CASQ2: variants seen among roughly 807,000 people sequenced by gnomAD.
The protein encoded by CASQ2 is calsequestrin 2.
CASQ2 carries 49 observed loss-of-function variants against 46.5 expected under a neutral mutation model. That is an observed-to-expected ratio of 1.05 (90% confidence interval 0.84 to 1.34). The LOEUF is 1.34. CASQ2 is among the 40% of genes most tolerant of loss of function. The probability of loss-of-function intolerance (pLI) is 0.00; values close to 1 mark genes in which losing one functional copy is unlikely to be tolerated. For missense variants in CASQ2, 486 were observed against 481.3 expected, an observed-to-expected ratio of 1.01 and a Z score of -0.09; for synonymous variants, 174 against 168.5, an observed-to-expected ratio of 1.03 and a Z score of -0.25.
chr1:115,701,059 G>A lies in CASQ2; in HGVS notation c.*182C>T. 2.3e-6 allele frequency: 2 copies of A among 851,698 alleles called. No homozygotes were observed. Among genetic ancestry groups the A allele is most frequent in the Admixed American group, 1.8e-5 (1 of 54,762 alleles). The allele number at this position is 851,698 out of a possible 1,614,324, so 52.8% of individuals were successfully genotyped here. A position where few individuals can be genotyped will look rare whatever the true frequency, so the allele number is the denominator to read the frequency against. ...CCTGTCCCTGCTAAGTGGGATTGCTGCATTTGAAAAGGCATTTGCTGAATG... is the reference window on the plus strand; with the variant it reads ...CCTGTCCCTGCTAAGTGGGATTGCTACATTTGAAAAGGCATTTGCTGAATG... On this transcript the variant is annotated 3_prime_UTR_variant, in exon 11 of 11. Transcript: ENST00000261448.
chr1:115,724,515 C>T (rs1011658807), intron 7 of CASQ2, among the ~76,000 whole-genome samples: 12 of 152,126 alleles, frequency 7.9e-5, no homozygotes, highest in African/African-American at 2.9e-4. Flanking sequence ...ATTGGAAGAT[C>T]CAAATAAAAA....
chr1:115,756,042 C>T (rs1648749169), intron 1 of CASQ2, among the ~76,000 whole-genome samples: 3 of 152,198 alleles, frequency 2.0e-5, no homozygotes, highest in Non-Finnish European at 2.9e-5. Context: ...GTCGGGCTAA[C>T]AGTTAGATAT....
chr1:115,727,169 G>T, intron 5 of CASQ2, 47 bp from the exon 6 acceptor site: 3 of 1,374,596 alleles, frequency 2.2e-6, no homozygotes, highest in Non-Finnish European at 3.1e-6. Flanking sequence ...TACTAGTCTA[G>T]AATAGCAGTG....
intron 4 of CASQ2, among the ~76,000 whole-genome samples, chr1:115,735,203 G>A (rs769236441): frequency 2.0e-5 from 3 of 152,144 alleles, no homozygotes; most frequent in Non-Finnish European, 4.4e-5. Context: ...CCACAAAAAG[G>A]TTGTTATTTT....
intron 2 of CASQ2, among the ~76,000 whole-genome samples, chr1:115,742,813 G>C (rs1057234561): frequency 1.2e-4 from 18 of 151,130 alleles, no homozygotes; most frequent in Non-Finnish European, 2.4e-4. Context: ...TTTTGAGATG[G>C]AGTCTCGCTC....
intron 1 of CASQ2, among the ~76,000 whole-genome samples, chr1:115,758,713 C>T (rs954979502): frequency 6.6e-6 from 1 of 152,182 alleles, no homozygotes; most frequent in Admixed American, 6.5e-5. Context: ...AAGAGCCTTG[C>T]ACCTTTTCTC....
intron 1 of CASQ2, among the ~76,000 whole-genome samples, chr1:115,748,642 C>T (rs764107825): frequency 6.6e-6 from 1 of 152,126 alleles, no homozygotes. Context: ...AGTGCCTAAA[C>T]AGACCAACCT....
chr1:115,721,267 G>T (rs960747707), intron 7 of CASQ2, among the ~76,000 whole-genome samples: 1 of 152,122 alleles, frequency 6.6e-6, no homozygotes, highest in Admixed American at 6.6e-5. Context: ...GGAGGGTGAG[G>T]TCTCCAGGGG....
chr1:115,748,344 C>T (rs1030230458), intron 1 of CASQ2, among the ~76,000 whole-genome samples: 2 of 152,194 alleles, frequency 1.3e-5, no homozygotes, highest in Non-Finnish European at 2.9e-5. Context: ...CCCTCCCAGA[C>T]CTTTTCATCT....
intron 8 of CASQ2, among the ~76,000 whole-genome samples, chr1:115,706,167 T>C (rs1302836747): frequency 6.6e-6 from 1 of 151,770 alleles, no homozygotes; most frequent in Non-Finnish European, 1.5e-5. Context: ...TGTGTATGTG[T>C]GTGCGTGCGT....
intron 5 of CASQ2, among the ~76,000 whole-genome samples, chr1:115,731,943 T>C (rs1206663917): frequency 6.6e-6 from 1 of 152,178 alleles, no homozygotes; most frequent in East Asian, 1.9e-4. Flanking sequence ...AGAGAGGATC[T>C]CACTCCATTG....
At chr1:115,735,697 T>A (rs909352836) in intron 4 of CASQ2, among the ~76,000 whole-genome samples, 1 of 152,202 alleles carries the variant, frequency 6.6e-6, no homozygotes, top group Non-Finnish European at 1.5e-5. Context: ...TTAATTAAGA[T>A]CTGTAATCCT....
chr1:115,727,265 A>G, intron 5 of CASQ2, 143 bp from the exon 6 acceptor site: 1 of 681,072 alleles, frequency 1.5e-6, no homozygotes, highest in Non-Finnish European at 2.6e-6. Context: ...TTGAAGTGAC[A>G]GGAACTTATC....
rs1648030760 is a variant in CASQ2 at position 115,738,217 on chromosome 1, A to C, written c.532+7T>G. Reference sequence around the variant, plus strand: ...GACTGATCGGCTGGGGTTGGCAGACAACTTACATTCTGAGTCCTCACTCTT... The same window carrying C: ...GACTGATCGGCTGGGGTTGGCAGACCACTTACATTCTGAGTCCTCACTCTT... On this transcript the variant is annotated splice_region_variant and intron_variant, in intron 4 of 10. Coordinates refer to ENST00000261448, the MANE Select transcript of CASQ2 (RefSeq NM_001232.4). The C allele has an allele frequency of 6.4e-7, 1 of 1,551,016 alleles. No homozygotes were observed. Among genetic ancestry groups the C allele is most frequent in the Admixed American group, 1.7e-5 (1 of 59,930 alleles).
chr1:115,741,038 G>A (rs1648158353), intron 2 of CASQ2, among the ~76,000 whole-genome samples: 1 of 152,222 alleles, frequency 6.6e-6, no homozygotes, highest in South Asian at 2.1e-4. Context: ...AACAATTCCA[G>A]CTGGATTTTG....
At chr1:115,730,489 A>G (rs927445687) in intron 5 of CASQ2, among the ~76,000 whole-genome samples, 2 of 152,166 alleles carry the variant, frequency 1.3e-5, no homozygotes, top group African/African-American at 4.8e-5. Context: ...GCACTCAATA[A>G]ATACTTGTTG....
chr1:115,723,029 C>G (rs1465393516), intron 7 of CASQ2, among the ~76,000 whole-genome samples: 1 of 151,948 alleles, frequency 6.6e-6, no homozygotes, highest in Non-Finnish European at 1.5e-5. Flanking sequence ...GCCTGGGTGA[C>G]AGAGGGAGAA....
At chr1:115,714,116 C>G (rs1255285282) in intron 8 of CASQ2, among the ~76,000 whole-genome samples, 4 of 152,192 alleles carry the variant, frequency 2.6e-5, no homozygotes, top group Non-Finnish European at 1.5e-5. Flanking sequence ...GGCTGGGAAG[C>G]CAGACATCCT....
intron 1 of CASQ2, among the ~76,000 whole-genome samples, chr1:115,766,406 G>A (rs990930539): frequency 2.6e-5 from 4 of 152,108 alleles, no homozygotes; most frequent in African/African-American, 9.7e-5. Context: ...TTATTGTAAG[G>A]ATTAAACAAG....
Sources: gnomAD v4.1 joint callset for allele counts (sites outside exome capture counted in the v4.1 genomes callset) on GRCh38, gnomAD v4.1.1 for gene constraint, MANE v1.5 for transcripts, NCBI Gene and HGNC (gene_info 2026-07-23, HGNC 2026-07-21) for gene names.